SLC24A2: variants seen among roughly 807,000 people sequenced by gnomAD.
SLC24A2 encodes sodium/potassium/calcium exchanger 2.
SLC24A2 carries 36 observed loss-of-function variants against 62.0 expected under a neutral mutation model. The ratio of observed to expected loss-of-function variants is 0.58; its 90% confidence interval spans 0.44 to 0.77. The LOEUF (loss-of-function observed/expected upper bound fraction) is 0.77, where lower values mean the gene tolerates loss of function less well. Ranked by LOEUF, SLC24A2 falls within the 30% of genes least tolerant of loss-of-function variation. The pLI, the probability that SLC24A2 is intolerant of heterozygous loss-of-function variation, is 0.00. For synonymous variants in SLC24A2, 358 were observed against 294.0 expected, an observed-to-expected ratio of 1.22 and a Z score of -2.23; for missense variants, 846 against 817.9, an observed-to-expected ratio of 1.03 and a Z score of -0.42.
intron 2 of SLC24A2, among the ~76,000 whole-genome samples, chr9:19,697,071 AT>A (rs1394331952): frequency 6.6e-6 from 1 of 152,184 alleles, no homozygotes; most frequent in African/African-American, 2.4e-5. Context: ...TATTTGAAAT[AT>A]TTAGCAGTTA....
chr9:19,529,336 T>C (rs1833587287), intron 8 of SLC24A2, among the ~76,000 whole-genome samples: 1 of 152,212 alleles, frequency 6.6e-6, no homozygotes, highest in South Asian at 2.1e-4. Context: ...GATAAACTCA[T>C]ACATGGTAAT....
chr9:19,760,556 C>G (rs927585434), intron 2 of SLC24A2, among the ~76,000 whole-genome samples: 13 of 151,930 alleles, frequency 8.6e-5, no homozygotes, highest in African/African-American at 2.7e-4. Flanking sequence ...GTGATGTTCC[C>G]CTCCCTATGC....
the SLC24A2 span, among the ~76,000 whole-genome samples, chr9:20,235,957 T>C: frequency 6.6e-6 from 1 of 152,222 alleles, no homozygotes; most frequent in African/African-American, 2.4e-5. Context: ...GGGATCCATA[T>C]ACTGTTGTAC....
intron 4 of SLC24A2, among the ~76,000 whole-genome samples, chr9:19,618,531 G>A (rs1161323779): frequency 6.6e-6 from 1 of 152,190 alleles, no homozygotes; most frequent in Non-Finnish European, 1.5e-5. Context: ...CTATTATTCT[G>A]AGTGAGGTGC....
At chr9:20,065,696 A>C in the SLC24A2 span, among the ~76,000 whole-genome samples, 3 of 152,226 alleles carry the variant, frequency 2.0e-5, no homozygotes, top group Non-Finnish European at 4.4e-5. Flanking sequence ...TAAAATCTTA[A>C]GTGACCAGTG....
the SLC24A2 span, among the ~76,000 whole-genome samples, chr9:20,185,455 G>A: frequency 1.3e-5 from 2 of 152,008 alleles, no homozygotes; most frequent in Non-Finnish European, 2.9e-5. Context: ...CAAGAGGTCA[G>A]GAGATCTAGA....
At chr9:19,546,223 C>CT (rs553166549) in intron 8 of SLC24A2, among the ~76,000 whole-genome samples, 513 of 152,324 alleles carry the variant, frequency 3.4e-3, no homozygotes, top group Non-Finnish European at 5.3e-3. Flanking sequence ...CTTAGCAGAG[C>CT]TTGAACGTTG....
chr9:20,292,848 C>G, the SLC24A2 span, among the ~76,000 whole-genome samples: 4 of 152,238 alleles, frequency 2.6e-5, no homozygotes, highest in Non-Finnish European at 5.9e-5. Context: ...CCTTGGCCTC[C>G]CAAATCCCAA....
At chr9:20,284,605 G>A in the SLC24A2 span, among the ~76,000 whole-genome samples, 3 of 151,982 alleles carry the variant, frequency 2.0e-5, no homozygotes, top group Admixed American at 2.0e-4. Flanking sequence ...TAACTACATA[G>A]CAAAAGAAGA....
rs1237453943 is a variant in SLC24A2, at chr9:19,573,350, C to T, written c.1347+1G>A. On this transcript the variant is annotated splice_donor_variant, in intron 7 of 10. Transcript: ENST00000341998. LOFTEE classifies it high-confidence loss of function. ...AGAAGAGCAATGGAGAAAAGCCATA[C>T]CTGGGCTTCTGCACCTTCAATGTTG... 1 of 1,591,278 alleles carries T rather than the reference C, an allele frequency of 6.3e-7. No individual in the cohort carries two copies. Among genetic ancestry groups the T allele is most frequent in the South Asian group, 1.1e-5 (1 of 90,642 alleles).
chr9:19,763,796 G>C (rs1459813625), intron 2 of SLC24A2, among the ~76,000 whole-genome samples: 1 of 152,136 alleles, frequency 6.6e-6, no homozygotes, highest in Non-Finnish European at 1.5e-5. Flanking sequence ...GTCTCTGCCA[G>C]GTTTTGGTAT....
the SLC24A2 span, among the ~76,000 whole-genome samples, chr9:19,850,025 T>G: frequency 6.6e-6 from 1 of 151,320 alleles, no homozygotes; most frequent in South Asian, 2.1e-4. Context: ...AAAACTGCTT[T>G]TTTTTTTTTT....
the SLC24A2 span, among the ~76,000 whole-genome samples, chr9:19,854,001 G>T: frequency 1.2e-3 from 178 of 152,138 alleles, 1 homozygote; most frequent in African/African-American, 4.2e-3. Flanking sequence ...GTTTATTCAG[G>T]GATTCAGCTT....
chr9:20,056,128 G>C, the SLC24A2 span, among the ~76,000 whole-genome samples: 3,386 of 152,180 alleles, frequency 0.022, 120 homozygotes, highest in African/African-American at 0.076. Context: ...GAGAAGTTGT[G>C]GGATTTAAAT....
the SLC24A2 span, among the ~76,000 whole-genome samples, chr9:20,105,453 G>C: frequency 6.6e-6 from 1 of 151,614 alleles, no homozygotes; most frequent in African/African-American, 2.4e-5. Context: ...TGGAAGTAAA[G>C]CTCTCCTCAG....
intron 8 of SLC24A2, among the ~76,000 whole-genome samples, chr9:19,535,641 T>G (rs1833926457): frequency 6.6e-6 from 1 of 152,202 alleles, no homozygotes; most frequent in South Asian, 2.1e-4. Flanking sequence ...TTTGTCAGGT[T>G]TGTCAAAGAT....
chr9:19,688,352 T>G (rs1406407710), intron 2 of SLC24A2, among the ~76,000 whole-genome samples: 2 of 152,064 alleles, frequency 1.3e-5, no homozygotes, highest in African/African-American at 4.8e-5. Context: ...CATTGTATTG[T>G]GGCAAAGTAC....
intron 2 of SLC24A2, among the ~76,000 whole-genome samples, chr9:19,727,411 C>G (rs1454265224): frequency 6.6e-6 from 1 of 152,118 alleles, no homozygotes; most frequent in Non-Finnish European, 1.5e-5. Context: ...ACTATCTTCC[C>G]TAACTCATTT....
At chr9:19,744,561 G>A (rs760036475) in intron 2 of SLC24A2, among the ~76,000 whole-genome samples, 44 of 152,238 alleles carry the variant, frequency 2.9e-4, no homozygotes, top group Non-Finnish European at 4.4e-4. Flanking sequence ...GGGGACAGCC[G>A]CTACTTGGCT....
Sources: gnomAD v4.1 joint callset for allele counts (sites outside exome capture counted in the v4.1 genomes callset) on GRCh38, gnomAD v4.1.1 for gene constraint, MANE v1.5 for transcripts, NCBI Gene and HGNC (gene_info 2026-07-23, HGNC 2026-07-21) for gene names.